TDRD9: variants seen among roughly 807,000 people sequenced by gnomAD.
TDRD9 encodes the protein ATP-dependent RNA helicase TDRD9.
In TDRD9, 124 loss-of-function variants were observed where a neutral mutation model predicts 172.6. The ratio of observed to expected loss-of-function variants is 0.72; its 90% CI spans 0.62 to 0.83. The LOEUF is 0.83. TDRD9 is among the 40% of genes least tolerant of loss of function. TDRD9 has a pLI of 0.00. For synonymous variants in TDRD9, 619 were observed against 617.1 expected (o/e 1.00, Z -0.05); for missense variants, 1,479 against 1,714.1 (o/e 0.86, Z 2.42).
At chr14:103,949,816 A>T (rs2031764823) in intron 1 of TDRD9, among the ~76,000 whole-genome samples, 1 of 151,742 alleles carries the variant, frequency 6.6e-6, no homozygotes, top group Admixed American at 6.6e-5. Context: ...AGTAGCTGGG[A>T]TTACAGGCGC....
intron 5 of TDRD9, among the ~76,000 whole-genome samples, chr14:103,968,321 G>A (rs970004992): frequency 7.9e-5 from 12 of 152,184 alleles, no homozygotes; most frequent in African/African-American, 2.7e-4. Context: ...GGGATTATTT[G>A]CTTCATAAAT....
At chr14:103,946,966 T>C (rs1007039076) in intron 1 of TDRD9, among the ~76,000 whole-genome samples, 1 of 152,236 alleles carries the variant, frequency 6.6e-6, no homozygotes, top group Non-Finnish European at 1.5e-5. Flanking sequence ...TACTACACGA[T>C]GTGATCTACA....
In TDRD9 at chr14:104,050,788, CTG is replaced by C. The variant is rs541874353; in HGVS notation, c.4047+1109_4047+1110del. On this transcript the variant is annotated intron_variant, in intron 35 of 35. Transcript: ENST00000409874. Reference sequence around the variant, plus strand: ...TGGCCATCAGGCTCGGTTGGAGTGTCTGAGGGTGACGAACTAGCAGGACTTTG... The same window carrying C: ...TGGCCATCAGGCTCGGTTGGAGTGTCAGGGTGACGAACTAGCAGGACTTTG... Among the ~76,000 whole-genome samples, 456 of 152,306 alleles carry C rather than the reference CTG, an allele frequency of 3.0e-3. 4 individuals carry two copies. Among genetic ancestry groups the C allele is most frequent in the African/African-American group, 0.011 (443 of 41,574 alleles).
At chr14:103,999,815 A>G (rs1030204287) in intron 13 of TDRD9, among the ~76,000 whole-genome samples, 7 of 152,124 alleles carry the variant, frequency 4.6e-5, no homozygotes, top group Admixed American at 3.9e-4. Context: ...GGTAACGTAC[A>G]TGGTGTGTTA....
At position 104,006,775 on chromosome 14, in the gene TDRD9, T is replaced by C; in HGVS notation, c.1944-7T>C. On this transcript the variant is annotated splice_region_variant and splice_polypyrimidine_tract_variant and intron_variant, in intron 17 of 35. Coordinates refer to ENST00000409874, the MANE Select transcript of TDRD9 (RefSeq NM_153046.3). ...TGGTATTGAATGACACTGTTATCTG[T>C]TTATAGGAACAAAGTGAATTTCTCT... is the stretch of plus-strand genomic sequence containing the variant. 4 of 1,613,572 alleles carry C rather than the reference T, an allele frequency of 2.5e-6. No individual in the cohort carries two copies. Among genetic ancestry groups the C allele is most frequent in the Non-Finnish European group, 3.4e-6 (4 of 1,179,628 alleles).
rs527274801 is a variant in TDRD9, at chr14:103,979,979, G to A, written c.1011+4426G>A. 4.0e-5 allele frequency among the ~76,000 whole-genome samples: 6 copies of A among 151,810 alleles called. No homozygotes were observed. In the East Asian group the frequency reaches 1.2e-3, roughly 29 times the overall value. On this transcript the variant is annotated intron_variant, in intron 7 of 35. Transcript: ENST00000409874. ...TAACCTTGAACTCCTTGGCTCAAGA[G>A]ATTCTCCCATCTCAGCCTTCCAAGA...
At chr14:103,954,133 G>A (rs1340318023) in intron 1 of TDRD9, among the ~76,000 whole-genome samples, 1 of 152,168 alleles carries the variant, frequency 6.6e-6, no homozygotes, top group African/African-American at 2.4e-5. Context: ...TATCACAATT[G>A]TCTTTTTTCA....
In TDRD9 at chr14:104,035,119, T is replaced by A. The variant is rs180766316; in HGVS notation, c.3716+63T>A. 4 of 1,279,570 alleles carry A rather than the reference T, an allele frequency of 3.1e-6. No homozygotes were observed. In the East Asian group the frequency reaches 1.0e-4, roughly 32 times the overall value. The allele number at this position is 1,279,570 out of a possible 1,614,324, so 79.3% of individuals were successfully genotyped here. A position where few individuals can be genotyped will look rare whatever the true frequency, so the allele number is the denominator to read the frequency against. On this transcript the variant is annotated intron_variant, in intron 32 of 35. Transcript: ENST00000409874. ...AAGAACCTGGGCGGGAAAAAACGGG[T>A]GCCTCTCCTTGCTCCTTTTGGAAAG...
rs1193247393 is a variant in TDRD9, at chr14:104,016,098, G to A, written c.2331+10G>A. 1.3e-6 allele frequency: 2 copies of A among 1,580,538 alleles called. No homozygotes were observed. Among genetic ancestry groups the A allele is most frequent in the East Asian group, 4.6e-5 (2 of 43,738 alleles). On this transcript the variant is annotated intron_variant, in intron 22 of 35. Transcript: ENST00000409874. Reference sequence around the variant, plus strand: ...CAAGACAACTGTCGTGGTAGGTGCTGGGGGCAGGCCGTCCTCTCTGGGGTG... The same window carrying A: ...CAAGACAACTGTCGTGGTAGGTGCTAGGGGCAGGCCGTCCTCTCTGGGGTG...
At chr14:104,039,051 A>C (rs888380438) in intron 32 of TDRD9, among the ~76,000 whole-genome samples, 1 of 152,210 alleles carries the variant, frequency 6.6e-6, no homozygotes, top group Non-Finnish European at 1.5e-5. Context: ...ATTGACTCAC[A>C]GTTCTGCACG....
chr14:104,034,109 T>C (rs1294984083), intron 31 of TDRD9, 40 bp downstream of exon 31: 1 of 1,345,618 alleles, frequency 7.4e-7, no homozygotes, highest in South Asian at 1.2e-5. Flanking sequence ...CCTCTCTTTT[T>C]TCTTTTCCTT....
chr14:104,007,874 C>T (rs528048895), intron 19 of TDRD9, among the ~76,000 whole-genome samples: 1 of 152,020 alleles, frequency 6.6e-6, no homozygotes, highest in South Asian at 2.1e-4. Flanking sequence ...GTCTCCTGGG[C>T]TAACACCATT....
At position 104,031,239 on chromosome 14, in the gene TDRD9, T is replaced by G; in HGVS notation, c.3414T>G (p.Asn1138Lys). Residue 1138 changes from asparagine (N) to lysine (K), a missense_variant, in exon 29 of 36, where the codon AAT (asparagine) becomes AAG (lysine). By Grantham distance (94) the Asn-to-Lys change is moderately conservative. Coordinates refer to ENST00000409874, the MANE Select transcript of TDRD9 (RefSeq NM_153046.3). ...IRILLESFSTNKLGTPNCKAE... is the reference protein window; with the variant it reads ...IRILLESFSTKKLGTPNCKAE... ...TTTTGTTAGAGAGCTTTTCTACCAATAAACTGGGTACTCCAAACTGTAAGG... is the reference window on the plus strand; with the variant it reads ...TTTTGTTAGAGAGCTTTTCTACCAAGAAACTGGGTACTCCAAACTGTAAGG... 1 of 1,551,684 alleles carries G rather than the reference T, an allele frequency of 6.4e-7. No individual in the cohort carries two copies. The highest frequency in any genetic ancestry group is 8.7e-7 in the Non-Finnish European group (1 of 1,146,896).
At chr14:103,965,741 T>A (rs957914515) in intron 4 of TDRD9, among the ~76,000 whole-genome samples, 187 bp downstream of exon 4, 7 of 151,920 alleles carry the variant, frequency 4.6e-5, no homozygotes. Flanking sequence ...GGTCGGGAGT[T>A]TGAGAGCAGC....
At chr14:103,968,791 G>A (rs1340591738) in intron 5 of TDRD9, among the ~76,000 whole-genome samples, 3 of 704 alleles carry the variant, frequency 4.3e-3, no homozygotes, top group Admixed American at 0.067. Context: ...GTGAGACTCT[G>A]TCTCAAAAAA....
chr14:103,965,565 G>GGT lies in TDRD9; in HGVS notation c.642+11_642+12insGT. ...GTGGTGGGCTACCAGGTGAGACTGG[G>GGT]AGGGAGGGAGGGACTAAGAGAGCCA... On this transcript the variant is annotated intron_variant, in intron 4 of 35. Transcript: ENST00000409874. The GGT allele has an allele frequency of 1.6e-6, 2 of 1,275,350 alleles. No individual in the cohort carries two copies. Among genetic ancestry groups the GGT allele is most frequent in the Non-Finnish European group, 1.1e-6 (1 of 914,248 alleles). The allele number at this position is 1,275,350 out of a possible 1,614,324, so 79.0% of individuals were successfully genotyped here.
chr14:103,995,830 T>C, intron 12 of TDRD9, 23 bp downstream of exon 12: 2 of 1,591,674 alleles, frequency 1.3e-6, no homozygotes, highest in Non-Finnish European at 1.7e-6. Flanking sequence ...TCCGTTTACC[T>C]CCTGGCATTA....
intron 34 of TDRD9, among the ~76,000 whole-genome samples, chr14:104,043,486 A>G (rs976772558): frequency 3.9e-5 from 6 of 152,082 alleles, no homozygotes; most frequent in Admixed American, 2.0e-4. Context: ...CACCCGCTTC[A>G]GCCTCCCAAA....
At chr14:103,934,604 C>G (rs1446580858) in intron 1 of TDRD9, among the ~76,000 whole-genome samples, 1 of 152,186 alleles carries the variant, frequency 6.6e-6, no homozygotes, top group African/African-American at 2.4e-5. Flanking sequence ...CAGTGAAACC[C>G]CGTCTCTACT....
Sources: allele counts gnomAD v4.1 joint callset (sites outside exome capture counted in the v4.1 genomes callset), GRCh38; gene constraint gnomAD v4.1.1; transcripts MANE v1.5; gene names NCBI Gene and HGNC (gene_info 2026-07-23, HGNC 2026-07-21).